The following SLC25A48 variants were observed in gnomAD, a reference collection of about 807,000 sequenced individuals.
The protein encoded by SLC25A48 is solute carrier family 25 member 48.
Under a neutral mutation model 32.2 loss-of-function variants are expected in SLC25A48, and 29 were observed. That is an observed-to-expected ratio of 0.90 (90% CI 0.67 to 1.23). The LOEUF (loss-of-function observed/expected upper bound fraction) is 1.23. SLC25A48 is among the 50% of genes most tolerant of loss of function. The pLI is 0.00. For missense variants in SLC25A48, 399 were observed against 422.7 expected, an observed-to-expected ratio of 0.94 and a Z score of 0.49; for synonymous variants, 164 against 172.3, an observed-to-expected ratio of 0.95 and a Z score of 0.38.
rs76211436 is a variant in SLC25A48, at chr5:135,639,101, C to T, written c.-521+4145C>T. ...AAGAAGCTAAAATACGAAAAATATG[C>T]GGCCCAAAAATGATATTCAGATACC... is the stretch of plus-strand genomic sequence containing the variant. On this transcript the variant is annotated intron_variant, in intron 3 of 10. Coordinates refer to the SLC25A48 transcript ENST00000646290. Among the ~76,000 whole-genome samples the T allele has an allele frequency of 4.0e-3, 609 of 152,272 alleles. 6 individuals carry two copies. The highest frequency in any genetic ancestry group is 0.014 in the African/African-American group (573 of 41,550).
chr5:135,799,160 C>T (rs1013334669), intron 3 of SLC25A48, among the ~76,000 whole-genome samples: 1 of 151,698 alleles, frequency 6.6e-6, no homozygotes. Context: ...ATGTACAGCA[C>T]CCTGTGATAT....
At chr5:135,870,803 T>C (rs1761575327) in intron 4 of SLC25A48, among the ~76,000 whole-genome samples, 1 of 152,096 alleles carries the variant, frequency 6.6e-6, no homozygotes, top group Non-Finnish European at 1.5e-5. Context: ...GCTCCCCCTC[T>C]TTTAACATAA....
intron 3 of SLC25A48, among the ~76,000 whole-genome samples, chr5:135,804,981 A>G (rs1376351338): frequency 6.6e-6 from 1 of 151,444 alleles, no homozygotes; most frequent in African/African-American, 2.4e-5. Context: ...GTAATATCCT[A>G]GGTAGATATT....
At chr5:135,617,295 G>A (rs1247762287) in intron 1 of SLC25A48, among the ~76,000 whole-genome samples, 1 of 151,932 alleles carries the variant, frequency 6.6e-6, no homozygotes, top group East Asian at 1.9e-4. Context: ...TGTGGTATGA[G>A]TTGTAATGTC....
chr5:135,874,213 T>A (rs1761878041), intron 6 of SLC25A48, 59 bp downstream of exon 6: 1 of 1,396,288 alleles, frequency 7.2e-7, no homozygotes, highest in Non-Finnish European at 9.2e-7. Context: ...GTTCACACAT[T>A]TAGGGGGATG....
chr5:135,786,895 G>T (rs1388295404), intron 3 of SLC25A48, among the ~76,000 whole-genome samples: 1 of 151,504 alleles, frequency 6.6e-6, no homozygotes, highest in Non-Finnish European at 1.5e-5. Flanking sequence ...TGTCACAGTA[G>T]GTGTACACCA....
rs1003596579 is a variant in SLC25A48, at chr5:135,859,998, A to G, written c.421+7177A>G. On this transcript the variant is annotated intron_variant, in intron 4 of 7. Transcript: ENST00000681962. Reference sequence around the variant, plus strand: ...AGGCTCCTCTCCTCCATACCTTAGCAGAATTCAGGCTCCTCTCCTCCCTCT... The same window carrying G: ...AGGCTCCTCTCCTCCATACCTTAGCGGAATTCAGGCTCCTCTCCTCCCTCT... 3.9e-5 allele frequency among the ~76,000 whole-genome samples: 6 copies of G among 152,294 alleles called. No homozygotes were observed. In the East Asian group the frequency reaches 1.2e-3, roughly 29 times the overall value.
chr5:135,600,187 G>A (rs915335426), intron 1 of SLC25A48, among the ~76,000 whole-genome samples: 3 of 152,202 alleles, frequency 2.0e-5, no homozygotes, highest in Admixed American at 1.3e-4. Flanking sequence ...AGATGGAGGC[G>A]CTTCTAAGGG....
intron 3 of SLC25A48, among the ~76,000 whole-genome samples, chr5:135,752,467 G>C (rs751320045): frequency 6.6e-6 from 1 of 152,140 alleles, no homozygotes; most frequent in African/African-American, 2.4e-5. Flanking sequence ...GTATCACAAC[G>C]TGTCCACACA....
intron 2 of SLC25A48, among the ~76,000 whole-genome samples, chr5:135,845,795 C>G: frequency 6.6e-6 from 1 of 152,224 alleles, no homozygotes; most frequent in East Asian, 1.9e-4. Context: ...GGTCCGGGGA[C>G]TCACCTGTGG....
intron 3 of SLC25A48, among the ~76,000 whole-genome samples, chr5:135,636,236 G>A (rs1252323192): frequency 6.6e-6 from 1 of 152,078 alleles, no homozygotes; most frequent in Non-Finnish European, 1.5e-5. Context: ...TGTGCAGGCC[G>A]TGTGCTGGAC....
intron 3 of SLC25A48, among the ~76,000 whole-genome samples, chr5:135,799,730 G>A (rs1757274881): frequency 6.6e-6 from 1 of 151,724 alleles, no homozygotes; most frequent in Non-Finnish European, 1.5e-5. Flanking sequence ...CCGCTGCAGA[G>A]AGAGGATGAT....
intron 3 of SLC25A48, among the ~76,000 whole-genome samples, chr5:135,760,622 A>G (rs9800300): frequency 0.76 from 115,817 of 151,936 alleles, 44,720 homozygotes; most frequent in Middle Eastern, 0.87. Context: ...GTGATCTGGG[A>G]AGTTGAGTGA....
chr5:135,666,462 A>G (rs1753527150), intron 3 of SLC25A48, among the ~76,000 whole-genome samples: 1 of 152,148 alleles, frequency 6.6e-6, no homozygotes, highest in Non-Finnish European at 1.5e-5. Flanking sequence ...TAAGGATTGA[A>G]ACCCAATTCT....
intron 3 of SLC25A48, among the ~76,000 whole-genome samples, chr5:135,767,932 C>A: frequency 6.8e-6 from 1 of 147,658 alleles, no homozygotes; most frequent in South Asian, 2.1e-4. Context: ...GTGTACACAC[C>A]CCTGTGATAT....
intron 3 of SLC25A48, among the ~76,000 whole-genome samples, chr5:135,709,147 C>T (rs891643454): frequency 6.6e-6 from 1 of 152,154 alleles, no homozygotes; most frequent in Admixed American, 6.5e-5. Flanking sequence ...AAAACAAAGA[C>T]CCCTGACAGC....
At chr5:135,816,425 G>C (rs1204214864) in intron 4 of SLC25A48, among the ~76,000 whole-genome samples, 1 of 151,994 alleles carries the variant, frequency 6.6e-6, no homozygotes, top group African/African-American at 2.4e-5. Context: ...TAAACACTTC[G>C]CTTCAGAATC....
chr5:135,758,310 C>T (rs983939974), intron 3 of SLC25A48, among the ~76,000 whole-genome samples: 10 of 150,548 alleles, frequency 6.6e-5, no homozygotes, highest in African/African-American at 1.7e-4. Flanking sequence ...GTAATATCTC[C>T]AGTGTTAACA....
intron 1 of SLC25A48, 60 bp downstream of exon 1, chr5:135,834,953 T>C (rs1275453636): frequency 1.9e-6 from 3 of 1,554,580 alleles, no homozygotes; most frequent in African/African-American, 2.7e-5. Flanking sequence ...AGTTTGCCTC[T>C]ATGCTCTGAG....
Sources: allele counts gnomAD v4.1 joint callset (sites outside exome capture counted in the v4.1 genomes callset), GRCh38; gene constraint gnomAD v4.1.1; transcripts MANE v1.5; gene names NCBI Gene and HGNC (gene_info 2026-07-23, HGNC 2026-07-21).